The following THSD7B variants were observed in gnomAD, a reference collection of about 807,000 sequenced individuals.
THSD7B encodes thrombospondin type-1 domain-containing protein 7B.
A neutral mutation model predicts 213.6 loss-of-function variants in THSD7B; 138 were observed. That is an observed-to-expected ratio of 0.65 (90% CI 0.56 to 0.74). THSD7B has a LOEUF of 0.74. THSD7B is among the 30% of genes least tolerant of loss of function. The probability of loss-of-function intolerance (pLI) is 0.00; values close to 1 mark genes in which losing one functional copy is unlikely to be tolerated. For synonymous variants in THSD7B, 742 were observed against 687.0 expected, an observed-to-expected ratio of 1.08 and a Z score of -1.25; for missense variants, 1,931 against 1,991.5, an observed-to-expected ratio of 0.97 and a Z score of 0.58.
intron 3 of THSD7B, among the ~76,000 whole-genome samples, chr2:137,075,069 G>A (rs1297151728): frequency 1.3e-5 from 2 of 152,118 alleles, no homozygotes; most frequent in Non-Finnish European, 2.9e-5. Flanking sequence ...GTGTCTTGGA[G>A]TTGCTCTTCT....
At chr2:137,106,470 G>A (rs900595217) in intron 4 of THSD7B, among the ~76,000 whole-genome samples, 3 of 151,894 alleles carry the variant, frequency 2.0e-5, no homozygotes, top group Non-Finnish European at 2.9e-5. Context: ...GATAGCATTC[G>A]GGACATAGGC....
At chr2:137,400,717 G>A (rs2104996275) in intron 12 of THSD7B, among the ~76,000 whole-genome samples, 1 of 152,276 alleles carries the variant, frequency 6.6e-6, no homozygotes, top group South Asian at 2.1e-4. Flanking sequence ...GGTGGCTTTT[G>A]CAGGTTAGAG....
At chr2:136,906,297 G>T (rs1193197022) in intron 2 of THSD7B, among the ~76,000 whole-genome samples, 1 of 152,030 alleles carries the variant, frequency 6.6e-6, no homozygotes, top group East Asian at 1.9e-4. Flanking sequence ...CTGAATATTG[G>T]CTAAAAAGAT....
At position 137,272,561 on chromosome 2, in the gene THSD7B, C is replaced by G. The variant is rs750723299; in HGVS notation, c.2295C>G (p.Tyr765Ter). ...ATGCCACAGTAAAACAGTCTCGATACAGAATCATCATCCAAGAAGCAGCCA... is the reference window on the plus strand; with the variant it reads ...ATGCCACAGTAAAACAGTCTCGATAGAGAATCATCATCCAAGAAGCAGCCA... ...AGNATVKQSR[Y>*]RIIIQEAANG... is the part of the protein sequence containing the mutation. The change falls in exon 11 of 28, where the codon TAC (tyrosine) becomes TAG (stop). Residue 765 changes from tyrosine to a stop codon, truncating the protein, a stop_gained. Transcript: ENST00000409968. LOFTEE classifies it high-confidence loss of function. 6.2e-6 allele frequency: 10 copies of G among 1,611,390 alleles called. No homozygotes were observed.
intron 2 of THSD7B, among the ~76,000 whole-genome samples, chr2:137,008,345 TTAAA>T (rs1478265919): frequency 6.6e-6 from 1 of 151,942 alleles, no homozygotes. Flanking sequence ...TTTGAAAAAA[TTAAA>T]TAAAAATAAG....
intron 7 of THSD7B, among the ~76,000 whole-genome samples, chr2:137,197,459 T>A (rs1680786807): frequency 6.6e-6 from 1 of 152,146 alleles, no homozygotes; most frequent in African/African-American, 2.4e-5. Context: ...AAATAAATAT[T>A]AAATGAAGTG....
At chr2:137,325,235 C>G (rs1684344640) in intron 12 of THSD7B, among the ~76,000 whole-genome samples, 1 of 152,046 alleles carries the variant, frequency 6.6e-6, no homozygotes. Flanking sequence ...TGGGCCATCT[C>G]TGAATGGAAG....
At chr2:137,581,312 G>A (rs1023553950) in intron 17 of THSD7B, among the ~76,000 whole-genome samples, 1 of 152,146 alleles carries the variant, frequency 6.6e-6, no homozygotes, top group Non-Finnish European at 1.5e-5. Flanking sequence ...TATAGGCCGG[G>A]TGCAGTGGTT....
chr2:137,622,864 G>A (rs1682546629), intron 20 of THSD7B, among the ~76,000 whole-genome samples: 1 of 152,106 alleles, frequency 6.6e-6, no homozygotes. Context: ...AAAAGTCCAG[G>A]ACCAGATGGA....
chr2:136,840,063 T>C (rs1472855282), intron 1 of THSD7B, among the ~76,000 whole-genome samples: 1 of 152,154 alleles, frequency 6.6e-6, no homozygotes, highest in Admixed American at 6.5e-5. Flanking sequence ...ATTGATAGCA[T>C]ATAACTGAGT....
At chr2:136,828,668 C>G (rs1041285689) in intron 1 of THSD7B, among the ~76,000 whole-genome samples, 31 of 152,196 alleles carry the variant, frequency 2.0e-4, no homozygotes, top group Non-Finnish European at 1.0e-4. Context: ...GTTCCTCAGG[C>G]CTGCTAAGCA....
intron 10 of THSD7B, among the ~76,000 whole-genome samples, chr2:137,267,184 A>G (rs539500046): frequency 6.6e-6 from 1 of 152,350 alleles, no homozygotes; most frequent in South Asian, 2.1e-4. Context: ...TCTTTTGACT[A>G]TAATTAAAAA....
chr2:136,996,834 ATT>A (rs1468967913), intron 2 of THSD7B, among the ~76,000 whole-genome samples: 1 of 152,208 alleles, frequency 6.6e-6, no homozygotes, highest in East Asian at 1.9e-4. Context: ...CTGTCCTTTA[ATT>A]TTACTAATGA....
At chr2:137,346,625 T>G (rs1684883086) in intron 12 of THSD7B, among the ~76,000 whole-genome samples, 1 of 151,782 alleles carries the variant, frequency 6.6e-6, no homozygotes, top group Non-Finnish European at 1.5e-5. Flanking sequence ...TCCAGAGTGC[T>G]CTATGTCTAG....
chr2:137,489,773 T>C (rs1429638114), intron 15 of THSD7B, among the ~76,000 whole-genome samples: 3 of 152,154 alleles, frequency 2.0e-5, no homozygotes, highest in East Asian at 3.9e-4. Flanking sequence ...ATATGGAATG[T>C]TTTTATATTT....
Position 137,640,244 on chromosome 2 carries a change from G to C in THSD7B, c.3800-2244G>C, listed in dbSNP as rs567083956. 5.7e-4 allele frequency among the ~76,000 whole-genome samples: 86 copies of C among 152,154 alleles called. 1 individual carries two copies. Among genetic ancestry groups the C allele is most frequent in the African/African-American group, 2.0e-3 (83 of 41,524 alleles). The stretch of plus-strand genomic sequence containing the variant: ...TCATGAGATCTGATGGGTTTATCAG[G>C]GGTTTCCGCTTTTGCTTCTTCCTCA... On this transcript the variant is annotated intron_variant, in intron 20 of 27. Transcript: ENST00000409968.
At chr2:136,992,818 C>A (rs1302268545) in intron 2 of THSD7B, among the ~76,000 whole-genome samples, 1 of 152,154 alleles carries the variant, frequency 6.6e-6, no homozygotes, top group Non-Finnish European at 1.5e-5. Context: ...AGCCTGATAC[C>A]AGCCCATAGA....
intron 14 of THSD7B, among the ~76,000 whole-genome samples, chr2:137,440,666 A>G (rs888905159): frequency 2.6e-5 from 4 of 152,042 alleles, no homozygotes; most frequent in Admixed American, 2.6e-4. Flanking sequence ...GAAGTCAGAA[A>G]TGTTTATTTT....
intron 16 of THSD7B, 28 bp from the exon 17 acceptor site, chr2:137,572,378 C>A: frequency 6.2e-7 from 1 of 1,612,390 alleles, no homozygotes; most frequent in South Asian, 1.1e-5. Flanking sequence ...TTTAAATAAT[C>A]AAACTATCTT....
Sources: gnomAD v4.1 joint callset for allele counts (sites outside exome capture counted in the v4.1 genomes callset) on GRCh38, gnomAD v4.1.1 for gene constraint, MANE v1.5 for transcripts, NCBI Gene and HGNC (gene_info 2026-07-23, HGNC 2026-07-21) for gene names.